BPGM: variants seen among roughly 807,000 people sequenced by gnomAD.
BPGM encodes the protein 2,3-bisphosphoglycerate mutase, erythrocyte.
Under a neutral mutation model 21.6 loss-of-function variants are expected in BPGM, and 15 were observed. The observed-to-expected ratio is 0.70, with a 90% confidence interval of 0.47 to 1.07. BPGM has a LOEUF of 1.07. BPGM is among the 50% of genes least tolerant of loss of function. The pLI is 0.00. For synonymous variants in BPGM, 113 were observed against 116.2 expected, an observed-to-expected ratio of 0.97 and a Z score of 0.18; for missense variants, 273 against 319.0, an observed-to-expected ratio of 0.86 and a Z score of 1.10.
chr7:134,675,090 C>A (rs1795965074), intron 2 of BPGM, among the ~76,000 whole-genome samples: 1 of 152,014 alleles, frequency 6.6e-6, no homozygotes. Flanking sequence ...ACCTTTTGCC[C>A]ATTTTTAAAT....
chr7:134,678,743 C>A (rs577356260), intron 2 of BPGM, 110 bp from the exon 3 acceptor site: 3 of 1,080,658 alleles, frequency 2.8e-6, no homozygotes, highest in Non-Finnish European at 4.3e-6. Flanking sequence ...TCAGTACCTG[C>A]ATGTTTCAGG....
At chr7:134,658,834 T>C (rs1048516888) in intron 1 of BPGM, among the ~76,000 whole-genome samples, 1 of 151,928 alleles carries the variant, frequency 6.6e-6, no homozygotes, top group African/African-American at 2.4e-5. Flanking sequence ...AGGATGCATA[T>C]TTGCATAGTT....
intron 1 of BPGM, among the ~76,000 whole-genome samples, chr7:134,652,319 A>T (rs563335859): frequency 5.9e-5 from 9 of 152,300 alleles, no homozygotes; most frequent in Admixed American, 5.9e-4. Flanking sequence ...ACCGTTTTTT[A>T]AAAAATTTAC....
chr7:134,654,602 T>C (rs1795609627), intron 1 of BPGM, among the ~76,000 whole-genome samples: 1 of 152,150 alleles, frequency 6.6e-6, no homozygotes, highest in African/African-American at 2.4e-5. Context: ...TCTGTGAATG[T>C]TGGCTACTGT....
chr7:134,674,546 A>G (rs974184680), intron 2 of BPGM, among the ~76,000 whole-genome samples: 2 of 152,192 alleles, frequency 1.3e-5, no homozygotes, highest in African/African-American at 4.8e-5. Flanking sequence ...TAGTAGCATC[A>G]TGCTTTCAAG....
chr7:134,660,376 G>C (rs1272270755), intron 1 of BPGM: 1 of 152,298 alleles, frequency 6.6e-6, no homozygotes, highest in African/African-American at 2.4e-5. Context: ...AGATGGAGAG[G>C]CCGGGCGTGT....
chr7:134,668,575 G>A (rs765069112), intron 2 of BPGM, among the ~76,000 whole-genome samples: 16 of 152,256 alleles, frequency 1.1e-4, no homozygotes, highest in African/African-American at 2.4e-4. Context: ...GGCATTTTAC[G>A]TACACATGTT....
intron 2 of BPGM, among the ~76,000 whole-genome samples, chr7:134,668,398 G>T (rs964247513): frequency 1.3e-5 from 2 of 152,208 alleles, no homozygotes; most frequent in Admixed American, 1.3e-4. Flanking sequence ...AAGAAGCTGA[G>T]TCAAGAACAT....
intron 2 of BPGM, among the ~76,000 whole-genome samples, chr7:134,673,491 G>A (rs572309699): frequency 6.6e-6 from 1 of 152,194 alleles, no homozygotes; most frequent in Non-Finnish European, 1.5e-5. Flanking sequence ...TGTTGGATCC[G>A]GTTAGATCTG....
chr7:134,672,919 A>G (rs1367064334), intron 2 of BPGM, among the ~76,000 whole-genome samples: 1 of 152,166 alleles, frequency 6.6e-6, no homozygotes, highest in Non-Finnish European at 1.5e-5. Context: ...TCACACCTGT[A>G]ATCTCAGCAC....
At chr7:134,658,892 A>ATTTTTTTTTTTTTTTTTTTTTTT (rs1554411129) in intron 1 of BPGM, among the ~76,000 whole-genome samples, 14 of 143,934 alleles carry the variant, frequency 9.7e-5, no homozygotes, top group African/African-American at 3.7e-4. Context: ...GTGTGTGTGT[A>ATTTTTTTTTTTTTTTTTTTTTTT]TTTTTTTTTT....
chr7:134,658,051 T>C (rs1045726509), intron 1 of BPGM, among the ~76,000 whole-genome samples: 3 of 152,166 alleles, frequency 2.0e-5, no homozygotes, highest in Non-Finnish European at 4.4e-5. Context: ...TTTACAAATA[T>C]ACATTAGTTG....
intron 2 of BPGM, among the ~76,000 whole-genome samples, chr7:134,670,059 C>A (rs1048845654): frequency 6.6e-6 from 1 of 152,136 alleles, no homozygotes; most frequent in African/African-American, 2.4e-5. Context: ...GGCGCACGTC[C>A]AAGGAAAAGC....
intron 2 of BPGM, among the ~76,000 whole-genome samples, chr7:134,672,113 TG>T (rs1185454672): frequency 6.6e-6 from 1 of 152,190 alleles, no homozygotes; most frequent in Non-Finnish European, 1.5e-5. Context: ...TCCCCAATTT[TG>T]GCCTTGAGCT....
Position 134,662,111 on chromosome 7 carries a change from A to G in BPGM, c.601+3A>G. Reference sequence around the variant, plus strand: ...GGCACTCCTAAAACACCTGGAAGGTACCAGCTTTATATACCACTTATTAGA... The same window carrying G: ...GGCACTCCTAAAACACCTGGAAGGTGCCAGCTTTATATACCACTTATTAGA... On this transcript the variant is annotated splice_donor_region_variant and intron_variant, in intron 2 of 2. Transcript: ENST00000344924. 4 of 1,614,094 alleles carry G rather than the reference A, an allele frequency of 2.5e-6. No homozygotes were observed. The highest frequency in any genetic ancestry group is 2.5e-6 in the Non-Finnish European group (3 of 1,179,998).
At chr7:134,674,525 C>T (rs1795958066) in intron 2 of BPGM, among the ~76,000 whole-genome samples, 2 of 152,198 alleles carry the variant, frequency 1.3e-5, no homozygotes, top group Non-Finnish European at 2.9e-5. Flanking sequence ...TTGTGACTGG[C>T]TTCTTTTATT....
In BPGM at chr7:134,661,664, G is replaced by A; in HGVS notation, c.157G>A (p.Asp53Asn). ...ACTCAAAGCGTTAAACTTTGAGTTT[G>A]ATCTTGTATTCACATCTGTCCTTAA... ...KQLKALNFEF[D>N]LVFTSVLNRS... Residue 53 changes from aspartate to asparagine, a missense_variant, in exon 2 of 3, where the codon GAT becomes AAT. Coordinates refer to ENST00000344924, the MANE Select transcript of BPGM (RefSeq NM_001724.5). The surrounding 1 kb of genome is among the most constrained non-coding windows in gnomAD (Gnocchi z 4.6). 6.2e-7 allele frequency: 1 copy of A among 1,614,158 alleles called. No homozygotes were observed.
Position 134,661,893 on chromosome 7 carries a change from C to G in BPGM, c.386C>G (p.Ser129Cys). The G allele has an allele frequency of 6.2e-7, 1 of 1,611,014 alleles. No homozygotes were observed. Among genetic ancestry groups the G allele is most frequent in the East Asian group, 2.2e-5 (1 of 44,822 alleles). Residue 129 changes from serine to cysteine, a missense_variant, in exon 2 of 3, where the codon TCT becomes TGT. Coordinates refer to ENST00000344924, the MANE Select transcript of BPGM (RefSeq NM_001724.5). The surrounding 1 kb of genome is among the most constrained non-coding windows in gnomAD (Gnocchi z 4.6). The stretch of plus-strand genomic sequence containing the variant: ...GTAACCCCGCCTCCCATTGAGGAGT[C>G]TCATCCTTACTACCAAGAAATCTAC... The part of the protein sequence containing the change: ...YNVTPPPIEE[S>C]HPYYQEIYND...
intron 1 of BPGM, among the ~76,000 whole-genome samples, chr7:134,658,875 G>GGT (rs200110595): frequency 5.4e-5 from 3 of 55,144 alleles, no homozygotes; most frequent in African/African-American, 2.4e-4. Context: ...CCTCTGTTCT[G>GGT]GTGTGTGTGT....
Sources: gnomAD v4.1 joint callset for allele counts (sites outside exome capture counted in the v4.1 genomes callset) on GRCh38, gnomAD v4.1.1 for gene constraint, Gnocchi (gnomAD v3.1) non-coding constraint, MANE v1.5 for transcripts, NCBI Gene and HGNC (gene_info 2026-07-23, HGNC 2026-07-21) for gene names.